RERG: variants seen among roughly 807,000 people sequenced by gnomAD.
RERG encodes the protein RAS like estrogen regulated growth inhibitor, also known as ras-related and estrogen-regulated growth inhibitor.
Under a neutral mutation model 23.2 loss-of-function variants are expected in RERG, and 25 were observed. The observed-to-expected ratio is 1.08, with a 90% CI of 0.79 to 1.50. The LOEUF (loss-of-function observed/expected upper bound fraction) is 1.50, where lower values mean the gene tolerates loss of function less well. Ranked by LOEUF, RERG falls within the 40% of genes most tolerant of loss-of-function variation. RERG has a pLI of 0.00. For synonymous variants in RERG, 81 were observed against 89.1 expected, an observed-to-expected ratio of 0.91 and a Z score of 0.51; for missense variants, 253 against 250.1, an observed-to-expected ratio of 1.01 and a Z score of -0.08.
intron 2 of RERG, among the ~76,000 whole-genome samples, chr12:15,126,668 A>G (rs2136092499): frequency 6.6e-6 from 1 of 151,980 alleles, no homozygotes; most frequent in Admixed American, 6.5e-5. Flanking sequence ...GAAAAGAAAC[A>G]CATATTTAAA....
chr12:15,118,018 A>G (rs7296908), intron 3 of RERG, among the ~76,000 whole-genome samples: 73,879 of 151,536 alleles, frequency 0.49, 18,579 homozygotes, highest in Admixed American at 0.6. Flanking sequence ...TTAAAATAAA[A>G]CTAAAATTGT....
At chr12:15,113,617 A>G (rs202086326) in intron 3 of RERG, among the ~76,000 whole-genome samples, 1 of 151,994 alleles carries the variant, frequency 6.6e-6, no homozygotes, top group East Asian at 1.9e-4. Context: ...CAATAGTAGT[A>G]AAATAAATAA....
chr12:15,120,975 C>T, intron 3 of RERG, 88 bp downstream of exon 3: 2 of 992,324 alleles, frequency 2.0e-6, no homozygotes, highest in Non-Finnish European at 1.6e-6. Flanking sequence ...CTAAAAGGAG[C>T]TTAAAAATGT....
chr12:15,217,186 C>T (rs1005382340), intron 2 of RERG: 48 of 400,584 alleles, frequency 1.2e-4, no homozygotes, highest in African/African-American at 7.3e-4. Context: ...AATGCCAAGA[C>T]CTCTGATATA....
Position 15,217,652 on chromosome 12 carries a change from A to T in RERG, c.-114-49T>A. ...TTCATAAGTGACTGGAAAATGAATT[A>T]ATATTTATTGAGCATCTACTATATG... On this transcript the variant is annotated intron_variant, in intron 1 of 4. Transcript: ENST00000256953. 1.2e-5 allele frequency: 7 copies of T among 597,940 alleles called. No homozygotes were observed. In the South Asian group the frequency reaches 1.4e-4, roughly 12 times the overall value. 37.0% of individuals were successfully genotyped at this position (597,940 alleles called of 1,614,324 possible). A position where few individuals can be genotyped will look rare whatever the true frequency, so the allele number is the denominator to read the frequency against.
chr12:15,171,825 T>G (rs1864782339), intron 2 of RERG, among the ~76,000 whole-genome samples: 1 of 152,196 alleles, frequency 6.6e-6, no homozygotes, highest in Admixed American at 6.6e-5. Context: ...TAGAGGTTAT[T>G]GGTTAAATAT....
At chr12:15,179,821 G>C (rs1864900559) in intron 2 of RERG, among the ~76,000 whole-genome samples, 1 of 152,128 alleles carries the variant, frequency 6.6e-6, no homozygotes, top group Non-Finnish European at 1.5e-5. Context: ...TCTAGTTATA[G>C]TCATTCATTA....
chr12:15,203,049 T>C (rs1280798001), intron 2 of RERG, among the ~76,000 whole-genome samples: 2 of 151,802 alleles, frequency 1.3e-5, no homozygotes, highest in African/African-American at 4.8e-5. Flanking sequence ...TGATTTGCAT[T>C]GCCCTGATGA....
intron 2 of RERG, among the ~76,000 whole-genome samples, chr12:15,201,190 T>C (rs748252538): frequency 7.9e-5 from 12 of 151,876 alleles, no homozygotes; most frequent in Non-Finnish European, 1.3e-4. Context: ...CTGATTAATC[T>C]AAATGAGTAT....
chr12:15,150,919 T>C (rs746682603), intron 2 of RERG, among the ~76,000 whole-genome samples: 11 of 152,232 alleles, frequency 7.2e-5, no homozygotes, highest in Non-Finnish European at 1.5e-4. Flanking sequence ...AATAAATGGC[T>C]GCTATTATTA....
intron 2 of RERG, among the ~76,000 whole-genome samples, chr12:15,121,527 A>G (rs1863831565): frequency 6.6e-6 from 1 of 152,208 alleles, no homozygotes. Flanking sequence ...AAATGTGATA[A>G]TTTTTAGTGT....
At chr12:15,136,698 G>A (rs1864149688) in intron 2 of RERG, among the ~76,000 whole-genome samples, 1 of 151,710 alleles carries the variant, frequency 6.6e-6, no homozygotes, top group Admixed American at 6.6e-5. Context: ...AAGTATGTTG[G>A]GATTTTTCCA....
At chr12:15,139,046 C>T (rs1400134316) in intron 2 of RERG, among the ~76,000 whole-genome samples, 25 of 70,174 alleles carry the variant, frequency 3.6e-4, no homozygotes, top group East Asian at 8.2e-4. Flanking sequence ...TGCCTGTGGG[C>T]GCTTGCTTTT....
chr12:15,211,296 C>T (rs1437234893), intron 2 of RERG, among the ~76,000 whole-genome samples: 1 of 149,966 alleles, frequency 6.7e-6, no homozygotes, highest in African/African-American at 2.5e-5. Flanking sequence ...CACACACACA[C>T]ACACACACAC....
intron 3 of RERG, among the ~76,000 whole-genome samples, chr12:15,113,378 C>T (rs1037646118): frequency 6.6e-6 from 1 of 151,796 alleles, no homozygotes; most frequent in Non-Finnish European, 1.5e-5. Context: ...GAGGGCAGAG[C>T]TATAAAGATC....
chr12:15,111,489 A>C, intron 3 of RERG, 72 bp from the exon 4 acceptor site: 8 of 1,206,404 alleles, frequency 6.6e-6, no homozygotes, highest in Non-Finnish European at 9.8e-6. Context: ...CTTAAAACTG[A>C]AAATGGGCAT....
chr12:15,163,895 A>G (rs1381284864), intron 2 of RERG, among the ~76,000 whole-genome samples: 4 of 152,170 alleles, frequency 2.6e-5, no homozygotes, highest in Admixed American at 6.5e-5. Flanking sequence ...GAAATACTAC[A>G]GGAAGGGGTA....
chr12:15,115,261 G>T (rs1863698761), intron 3 of RERG, among the ~76,000 whole-genome samples: 1 of 152,046 alleles, frequency 6.6e-6, no homozygotes, highest in Non-Finnish European at 1.5e-5. Flanking sequence ...AATATCCAAT[G>T]AAGTATATAT....
chr12:15,140,328 C>T (rs1864216151), intron 2 of RERG, among the ~76,000 whole-genome samples: 1 of 152,126 alleles, frequency 6.6e-6, no homozygotes, highest in Non-Finnish European at 1.5e-5. Context: ...CACAGATACT[C>T]CCAACTCTTC....
Sources: allele counts gnomAD v4.1 joint callset (sites outside exome capture counted in the v4.1 genomes callset), GRCh38; gene constraint gnomAD v4.1.1; transcripts MANE v1.5; gene names NCBI Gene and HGNC (gene_info 2026-07-23, HGNC 2026-07-21).